CCDC178: variants seen among roughly 807,000 people sequenced by gnomAD.
CCDC178 encodes the protein coiled-coil domain containing 178, also known as coiled-coil domain-containing protein 178.
A neutral mutation model predicts 117.4 loss-of-function variants in CCDC178; 126 were observed. The ratio of observed to expected loss-of-function variants is 1.07; its 90% CI spans 0.93 to 1.24. CCDC178 has a LOEUF of 1.24. Ranked by LOEUF, CCDC178 falls within the 50% of genes most tolerant of loss-of-function variation. The pLI, the probability that CCDC178 is intolerant of heterozygous loss-of-function variation, is 0.00. For synonymous variants in CCDC178, 283 were observed against 313.4 expected, an observed-to-expected ratio of 0.90 and a Z score of 1.02; for missense variants, 1,030 against 986.9, an observed-to-expected ratio of 1.04 and a Z score of -0.59.
chr18:33,187,676 A>G (rs1023982236), intron 20 of CCDC178, among the ~76,000 whole-genome samples: 6 of 152,170 alleles, frequency 3.9e-5, no homozygotes, highest in Admixed American at 3.9e-4. Flanking sequence ...ATGGTGAAAT[A>G]AGGCTGGATC....
chr18:33,293,320 T>C lies in CCDC178; in HGVS notation c.1023-8A>G. The C allele has an allele frequency of 2.1e-6, 3 of 1,452,344 alleles. No homozygotes were observed. Among genetic ancestry groups the C allele is most frequent in the Non-Finnish European group, 2.8e-6 (3 of 1,055,536 alleles). 90.0% of individuals were successfully genotyped at this position (1,452,344 alleles called of 1,614,324 possible). On this transcript the variant is annotated splice_polypyrimidine_tract_variant and splice_region_variant and intron_variant, in intron 11 of 22. Transcript: ENST00000383096. ...AGTTGATATATCTCTCTCCTAGGGA[T>C]AAAAACACAGTTTATTTTATTCACA... is the stretch of plus-strand genomic sequence containing the variant.
At chr18:33,261,318 C>T (rs577694532) in intron 14 of CCDC178, among the ~76,000 whole-genome samples, 16 of 152,254 alleles carry the variant, frequency 1.1e-4, no homozygotes, top group Admixed American at 7.2e-4. Context: ...CTCCTGACCT[C>T]GTGATCCGCC....
chr18:33,075,601 C>A (rs774878424), intron 21 of CCDC178, among the ~76,000 whole-genome samples: 23 of 152,046 alleles, frequency 1.5e-4, no homozygotes, highest in Middle Eastern at 3.4e-3. Context: ...ACAAAAATAC[C>A]TTTCTGTTCC....
chr18:33,292,385 A>AT (rs754526789), intron 12 of CCDC178, among the ~76,000 whole-genome samples: 4 of 152,160 alleles, frequency 2.6e-5, no homozygotes, highest in Non-Finnish European at 5.9e-5. Context: ...ATCTCACAGA[A>AT]GCAGAGAGTA....
At position 33,356,657 on chromosome 18, in the gene CCDC178, C is replaced by T. The variant is rs141740274; in HGVS notation, c.349-311G>A. On this transcript the variant is annotated intron_variant, in intron 6 of 22. Coordinates refer to ENST00000383096, the MANE Select transcript of CCDC178 (RefSeq NM_001105528.4). ...GCCTTTGTAATCTAGACACAACAGA[C>T]CAGCATTAAAATTAAAACAGAAATC... 3.1e-4 allele frequency among the ~76,000 whole-genome samples: 47 copies of T among 152,006 alleles called. 1 individual carries two copies. In the East Asian group the frequency reaches 9.1e-3, roughly 29 times the overall value.
At position 33,161,380 on chromosome 18, in the gene CCDC178, G is replaced by A. The variant is rs149893174; in HGVS notation, c.2238+50516C>T. Among the ~76,000 whole-genome samples, 45 of 151,808 alleles carry A rather than the reference G, an allele frequency of 3.0e-4. No individual in the cohort carries two copies. In the South Asian group the frequency reaches 4.4e-3, roughly 15 times the overall value. The stretch of plus-strand genomic sequence containing the variant: ...CATGTGTGGAGTAGAGAAAATGGGT[G>A]ACACATTCTATCAGGATTTAGTTCT... On this transcript the variant is annotated intron_variant, in intron 20 of 22. Coordinates refer to ENST00000383096, the MANE Select transcript of CCDC178 (RefSeq NM_001105528.4).
At chr18:33,356,538 C>A (rs575323174) in intron 6 of CCDC178, among the ~76,000 whole-genome samples, 192 bp from the exon 7 acceptor site, 3 of 151,958 alleles carry the variant, frequency 2.0e-5, no homozygotes, top group Admixed American at 2.0e-4. Flanking sequence ...TAGGTCCCCC[C>A]AACTCTTGGC....
At chr18:33,352,007 C>CT (rs770732753) in intron 7 of CCDC178, among the ~76,000 whole-genome samples, 122 of 152,116 alleles carry the variant, frequency 8.0e-4, no homozygotes, top group Non-Finnish European at 1.6e-4. Context: ...GTTAATTCTT[C>CT]TTTCAATGTT....
intron 14 of CCDC178, among the ~76,000 whole-genome samples, chr18:33,257,453 T>C (rs1275304777): frequency 6.6e-6 from 1 of 152,074 alleles, no homozygotes; most frequent in East Asian, 1.9e-4. Context: ...AAAATTTAAT[T>C]CCCTTGTTTA....
At chr18:33,247,612 G>A (rs912882459) in intron 14 of CCDC178, among the ~76,000 whole-genome samples, 5 of 151,742 alleles carry the variant, frequency 3.3e-5, no homozygotes, top group Admixed American at 1.3e-4. Context: ...TGTGTGGCAC[G>A]TTTGTGTCTA....
chr18:33,100,734 A>G (rs935013571), intron 20 of CCDC178, among the ~76,000 whole-genome samples: 8 of 151,978 alleles, frequency 5.3e-5, no homozygotes, highest in Non-Finnish European at 8.8e-5. Context: ...AGAAAGAAAC[A>G]TTTGTCTCCA....
intron 22 of CCDC178, chr18:32,958,168 A>C (rs1201154167): frequency 1.8e-6 from 1 of 567,458 alleles, no homozygotes; most frequent in East Asian, 3.1e-5. Flanking sequence ...AGTGGTTCAT[A>C]ATTATTTTTG....
chr18:32,941,174 G>GA lies in CCDC178; in HGVS notation c.2524-3084_2524-3083insT, dbSNP rs553134611. Reference sequence around the variant, plus strand: ...GAACTTAACTCTGCAGATCTGTAATGTGACATGCAATTAATGCTCTATGAG... The same window carrying GA: ...GAACTTAACTCTGCAGATCTGTAATGATGACATGCAATTAATGCTCTATGAG... On this transcript the variant is annotated intron_variant, in intron 22 of 22. Transcript: ENST00000383096. 3.2e-3 allele frequency among the ~76,000 whole-genome samples: 489 copies of GA among 152,014 alleles called. 4 individuals are homozygous for GA. Among genetic ancestry groups the GA allele is most frequent in the African/African-American group, 0.011 (468 of 41,476 alleles).
intron 20 of CCDC178, among the ~76,000 whole-genome samples, chr18:33,176,197 C>T (rs965382037): frequency 6.6e-6 from 1 of 152,080 alleles, no homozygotes; most frequent in South Asian, 2.1e-4. Flanking sequence ...CTTCTTTACA[C>T]CTTAAATAGT....
At chr18:33,015,998 T>C (rs1381656081) in intron 21 of CCDC178, among the ~76,000 whole-genome samples, 2 of 151,902 alleles carry the variant, frequency 1.3e-5, no homozygotes, top group African/African-American at 4.8e-5. Context: ...CCTCTGAGAG[T>C]TGTGGGGAAA....
intron 21 of CCDC178, among the ~76,000 whole-genome samples, chr18:33,007,257 CAG>C (rs1347925951): frequency 6.6e-6 from 1 of 151,932 alleles, no homozygotes; most frequent in Admixed American, 6.6e-5. Flanking sequence ...CATCTCAACA[CAG>C]AAAGTTATAG....
At chr18:33,177,044 T>A (rs2058671758) in intron 20 of CCDC178, among the ~76,000 whole-genome samples, 1 of 152,216 alleles carries the variant, frequency 6.6e-6, no homozygotes. Flanking sequence ...AATGAACTCA[T>A]GTCCTTTGCA....
intron 22 of CCDC178, among the ~76,000 whole-genome samples, chr18:32,949,789 A>C (rs1004636955): frequency 1.3e-5 from 2 of 152,072 alleles, no homozygotes; most frequent in African/African-American, 4.8e-5. Context: ...GATGCCATAC[A>C]TTGTGCATTT....
intron 21 of CCDC178, among the ~76,000 whole-genome samples, chr18:32,988,688 A>G (rs990781537): frequency 6.6e-6 from 1 of 152,060 alleles, no homozygotes; most frequent in Non-Finnish European, 1.5e-5. Context: ...GATAGAGGAA[A>G]TTCACAGAGT....
Sources: gnomAD v4.1 joint callset for allele counts (sites outside exome capture counted in the v4.1 genomes callset) on GRCh38, gnomAD v4.1.1 for gene constraint, MANE v1.5 for transcripts, NCBI Gene and HGNC (gene_info 2026-07-23, HGNC 2026-07-21) for gene names.